Variants in POTED observed in about 807,000 individuals in gnomAD.
POTED encodes the protein POTE ankyrin domain family member D.
POTED carries 7 observed loss-of-function variants against 19.0 expected under a neutral mutation model. That is an observed-to-expected ratio of 0.37 (90% CI 0.21 to 0.69). The LOEUF (loss-of-function observed/expected upper bound fraction) is 0.69. Among genes scored for constraint, POTED ranks in the 30% least tolerant of loss-of-function variants. The probability of loss-of-function intolerance (pLI) is 0.56; values close to 1 mark genes in which losing one functional copy is unlikely to be tolerated. For synonymous variants in POTED, 16 were observed against 92.0 expected, an observed-to-expected ratio of 0.17 and a Z score of 4.73; for missense variants, 54 against 278.5, an observed-to-expected ratio of 0.19 and a Z score of 5.74.
Position 13,639,778 on chromosome 21 carries a change from A to C in POTED, c.1533+140A>C. 9.4e-6 allele frequency: 4 copies of C among 423,636 alleles called. 2 individuals carry two copies. In the South Asian group the frequency reaches 1.2e-4, roughly 13 times the overall value. The allele number at this position is 423,636 out of a possible 1,614,324, so 26.2% of individuals were successfully genotyped here. ...TGTATATATATGTGTGTGTGTATAT[A>C]TATACACACACACACACACACACCC... On this transcript the variant is annotated intron_variant, in intron 10 of 10. Transcript: ENST00000299443.
intron 6 of POTED, among the ~76,000 whole-genome samples, chr21:13,626,311 T>A (rs2011185614): frequency 1.4e-5 from 1 of 70,750 alleles, no homozygotes; most frequent in Admixed American, 1.3e-4. Flanking sequence ...ACACTATAAC[T>A]TTATAAAGCA....
chr21:13,640,523 C>T lies in POTED; in HGVS notation c.1534-822C>T, dbSNP rs1218117753. Among the ~76,000 whole-genome samples, 2 of 75,410 alleles carry T rather than the reference C, an allele frequency of 2.7e-5. 1 individual carries two copies. The highest frequency in any genetic ancestry group is 4.7e-5 in the Non-Finnish European group (2 of 42,594). 49.5% of individuals were successfully genotyped at this position (75,410 alleles called of 152,430 possible). A position where few individuals can be genotyped will look rare whatever the true frequency, so the allele number is the denominator to read the frequency against. The stretch of plus-strand genomic sequence containing the variant: ...AAAAATCCTGCACGTTGCATATATA[C>T]GTGTGTGTGTGTGTGTGTGTGTGTG... On this transcript the variant is annotated intron_variant, in intron 10 of 10. Transcript: ENST00000299443.
chr21:13,626,514 A>T (rs1446927412), intron 6 of POTED, among the ~76,000 whole-genome samples: 1 of 95,982 alleles, frequency 1.0e-5, no homozygotes, highest in Middle Eastern at 5.6e-3. Flanking sequence ...CATTAAAATG[A>T]TCTACATCTA....
At chr21:13,627,450 A>G (rs1197880558) in intron 6 of POTED, among the ~76,000 whole-genome samples, 1 of 96,000 alleles carries the variant, frequency 1.0e-5, no homozygotes, top group Non-Finnish European at 2.0e-5. Context: ...TCAAACAAAA[A>G]AACAAAAAAA....
rs1224508219 is a variant in POTED at position 13,610,941 on chromosome 21, C to T, written c.521+192C>T. ...CGACACAAAAAGTTTTAGCTGATTT[C>T]CAATCCAATTACAATTTCCCTTATA... On this transcript the variant is annotated intron_variant, in intron 1 of 10. Transcript: ENST00000299443. Among the ~76,000 whole-genome samples, 2 of 80,816 alleles carry T rather than the reference C, an allele frequency of 2.5e-5. 1 individual carries two copies. The highest frequency in any genetic ancestry group is 4.4e-5 in the Non-Finnish European group (2 of 45,850). The allele number at this position is 80,816 out of a possible 152,430, so 53.0% of individuals were successfully genotyped here. A position where few individuals can be genotyped will look rare whatever the true frequency, so the allele number is the denominator to read the frequency against.
Position 13,609,820 on chromosome 21 carries a change from C to T in POTED, c.-409C>T, listed in dbSNP as rs1396738340. On this transcript the variant is annotated 5_prime_UTR_variant, in exon 1 of 11. Transcript: ENST00000299443. Reference sequence around the variant, plus strand: ...TAATGGGTGCGCTTCGCTTTGCGTTCCTCGCTTGGCCTTGCGTTCCTAGCT... The same window carrying T: ...TAATGGGTGCGCTTCGCTTTGCGTTTCTCGCTTGGCCTTGCGTTCCTAGCT... The T allele has an allele frequency of 2.1e-5, 3 of 144,070 alleles. 1 individual carries two copies. Among genetic ancestry groups the T allele is most frequent in the Non-Finnish European group, 2.3e-5 (2 of 85,788 alleles). 8.9% of individuals were successfully genotyped at this position (144,070 alleles called of 1,614,324 possible).
intron 6 of POTED, among the ~76,000 whole-genome samples, chr21:13,623,944 C>T (rs1372857147): frequency 9.5e-6 from 1 of 104,880 alleles, no homozygotes; most frequent in Non-Finnish European, 1.9e-5. Flanking sequence ...TTAAGGTGCT[C>T]ATAGTAGAGC....
chr21:13,642,564 C>T lies in POTED; in HGVS notation c.*998C>T, dbSNP rs1473847384. 1.0e-4 allele frequency among the ~76,000 whole-genome samples: 8 copies of T among 78,698 alleles called. 3 individuals are homozygous for T. Among genetic ancestry groups the T allele is most frequent in the Non-Finnish European group, 1.3e-4 (6 of 44,674 alleles). The allele number at this position is 78,698 out of a possible 152,430, so 51.6% of individuals were successfully genotyped here. A position where few individuals can be genotyped will look rare whatever the true frequency, so the allele number is the denominator to read the frequency against. ...GCACAGCATAGCCACTCTACAAAAA[C>T]GTGGCCAGACTTCTTTTTTAAACAA... On this transcript the variant is annotated 3_prime_UTR_variant, in exon 11 of 11. Transcript: ENST00000299443.
intron 9 of POTED, among the ~76,000 whole-genome samples, chr21:13,637,004 A>ATATTT (rs1481200854): frequency 6.1e-5 from 1 of 16,464 alleles, no homozygotes; most frequent in Non-Finnish European, 9.7e-5. Context: ...ATATATATAT[A>ATATTT]TTTTTTTTTT....
In POTED at chr21:13,645,487, A is replaced by T. The variant is rs1314822254; in HGVS notation, c.*3921A>T. On this transcript the variant is annotated 3_prime_UTR_variant, in exon 11 of 11. Transcript: ENST00000299443. ...TTCATGTCCAGCAAAATTAAGCATC[A>T]TAAGTGAAGGAGAAACAAGATCCTT... is the stretch of plus-strand genomic sequence containing the variant. Among the ~76,000 whole-genome samples, 1 of 133,776 alleles carries T rather than the reference A, an allele frequency of 7.5e-6. No individual in the cohort carries two copies. The highest frequency in any genetic ancestry group is 3.0e-5 in the African/African-American group (1 of 32,832). The allele number at this position is 133,776 out of a possible 152,430, so 87.8% of individuals were successfully genotyped here.
intron 10 of POTED, among the ~76,000 whole-genome samples, chr21:13,640,552 TTGTG>T (rs1427589473): frequency 1.5e-5 from 1 of 66,522 alleles, no homozygotes; most frequent in Non-Finnish European, 2.7e-5. Flanking sequence ...GTGTGTGTGT[TTGTG>T]TGTGTGTATT....
intron 6 of POTED, among the ~76,000 whole-genome samples, 160 bp from the exon 7 acceptor site, chr21:13,628,222 G>GT (rs1280622970): frequency 7.7e-6 from 1 of 130,662 alleles, no homozygotes; most frequent in African/African-American, 2.8e-5. Context: ...GTTTGTTGAA[G>GT]TTTTGGAGAA....
At position 13,645,389 on chromosome 21, in the gene POTED, A is replaced by G. The variant is rs1399081523; in HGVS notation, c.*3823A>G. On this transcript the variant is annotated 3_prime_UTR_variant, in exon 11 of 11. Transcript: ENST00000299443. ...AAGGGAATTCCATCAGATTTAGCAGACCTCTCAACTGAAACTGTACAAGCC... is the reference window on the plus strand; with the variant it reads ...AAGGGAATTCCATCAGATTTAGCAGGCCTCTCAACTGAAACTGTACAAGCC... 1.5e-5 allele frequency among the ~76,000 whole-genome samples: 2 copies of G among 131,146 alleles called. No individual in the cohort carries two copies. Among genetic ancestry groups the G allele is most frequent in the Non-Finnish European group, 3.3e-5 (2 of 60,974 alleles). 86.0% of individuals were successfully genotyped at this position (131,146 alleles called of 152,430 possible).
chr21:13,644,000 CCT>C lies in POTED; in HGVS notation c.*2435_*2436del, dbSNP rs1232941184. 4.8e-5 allele frequency among the ~76,000 whole-genome samples: 3 copies of C among 63,112 alleles called. 1 individual carries two copies. The highest frequency in any genetic ancestry group is 8.0e-5 in the Non-Finnish European group (3 of 37,496). The allele number at this position is 63,112 out of a possible 152,430, so 41.4% of individuals were successfully genotyped here. On this transcript the variant is annotated 3_prime_UTR_variant, in exon 11 of 11. Coordinates refer to ENST00000299443, the MANE Select transcript of POTED (RefSeq NM_174981.6). ...CAGAGGAAAAGGGACCTTCTTATAC[CCT>C]GAGTGACCACTGTTGCTTGGGGGGG...
In POTED at chr21:13,612,840, G is replaced by A. The variant is rs1277230479; in HGVS notation, c.521+2091G>A. ...GTGTCAGTAGATACAGAGATATGTC[G>A]GCATGCAAAGATGTACTTTGCTATA... is the stretch of plus-strand genomic sequence containing the variant. On this transcript the variant is annotated intron_variant, in intron 1 of 10. Coordinates refer to ENST00000299443, the MANE Select transcript of POTED (RefSeq NM_174981.6). Among the ~76,000 whole-genome samples the A allele has an allele frequency of 3.8e-5, 3 of 78,386 alleles. 1 individual carries two copies. The highest frequency in any genetic ancestry group is 6.7e-5 in the Non-Finnish European group (3 of 44,926). 51.4% of individuals were successfully genotyped at this position (78,386 alleles called of 152,430 possible). A position where few individuals can be genotyped will look rare whatever the true frequency, so the allele number is the denominator to read the frequency against.
chr21:13,611,069 T>G (rs1237427731), intron 1 of POTED, among the ~76,000 whole-genome samples: 1 of 79,768 alleles, frequency 1.3e-5, no homozygotes, highest in Non-Finnish European at 2.2e-5. Flanking sequence ...CTGTACACTA[T>G]AGAAAGGTGT....
chr21:13,610,601 C>G lies in POTED; in HGVS notation c.373C>G (p.His125Asp), dbSNP rs190840287. The G allele has an allele frequency of 1.9e-6, 2 of 1,076,352 alleles. No individual in the cohort carries two copies. Among genetic ancestry groups the G allele is most frequent in the Non-Finnish European group, 2.4e-6 (2 of 832,002 alleles). 66.7% of individuals were successfully genotyped at this position (1,076,352 alleles called of 1,614,324 possible). A position where few individuals can be genotyped will look rare whatever the true frequency, so the allele number is the denominator to read the frequency against. The change falls in exon 1 of 11, where the codon CAC becomes GAC. Residue 125 changes from histidine (H) to aspartate (D), a missense_variant. Around this residue, in one of 3 missense-constraint regions of POTED, gnomAD observed 38 missense variants for 163.8 expected, o/e 0.23. Coordinates refer to ENST00000299443, the MANE Select transcript of POTED (RefSeq NM_174981.6). ...SNVGAWGDYD[H>D]SAFMEPRYHI... The stretch of plus-strand genomic sequence containing the variant: ...CGTGGGCGCTTGGGGAGACTACGAC[C>G]ACAGCGCCTTCATGGAGCCGAGGTA...
At chr21:13,612,726 A>G (rs1167237769) in intron 1 of POTED, among the ~76,000 whole-genome samples, 3 of 82,276 alleles carry the variant, frequency 3.6e-5, no homozygotes, top group Non-Finnish European at 6.5e-5. Flanking sequence ...ATTGCTTAAA[A>G]TAGCCATGTA....
chr21:13,610,871 G>A, intron 1 of POTED, 122 bp downstream of exon 1: 1 of 817,032 alleles, frequency 1.2e-6, no homozygotes, highest in South Asian at 2.1e-5. Context: ...CACCCTGGGT[G>A]TGGAAACCTC....
Sources: gnomAD v4.1 joint callset for allele counts (sites outside exome capture counted in the v4.1 genomes callset) on GRCh38, gnomAD v4.1.1 for gene constraint, gnomAD v4.1.1 regional missense constraint, MANE v1.5 for transcripts, NCBI Gene and HGNC (gene_info 2026-07-23, HGNC 2026-07-21) for gene names.